Variants in TMEM117 observed in about 807,000 individuals in gnomAD.
TMEM117 encodes transmembrane protein 117.
TMEM117 carries 27 observed loss-of-function variants against 52.4 expected under a neutral mutation model. The ratio of observed to expected loss-of-function variants is 0.51; its 90% confidence interval spans 0.38 to 0.71. The LOEUF (loss-of-function observed/expected upper bound fraction) is 0.71. Among genes scored for constraint, TMEM117 ranks in the 30% least tolerant of loss-of-function variants. The probability of loss-of-function intolerance (pLI) is 0.00; values close to 1 mark genes in which losing one functional copy is unlikely to be tolerated. For missense variants in TMEM117, 556 were observed against 630.5 expected, an observed-to-expected ratio of 0.88 and a Z score of 1.26; for synonymous variants, 215 against 206.3, an observed-to-expected ratio of 1.04 and a Z score of -0.36.
intron 3 of TMEM117, among the ~76,000 whole-genome samples, chr12:43,961,378 C>T (rs967698593): frequency 6.7e-6 from 1 of 148,608 alleles, no homozygotes; most frequent in Non-Finnish European, 1.5e-5. Context: ...TAATTTCATA[C>T]AAAATGCCCA....
chr12:43,804,181 T>C, the TMEM117 span: 2 of 440,266 alleles, frequency 4.5e-6, no homozygotes, highest in Admixed American at 5.2e-5. Flanking sequence ...ATCACCTGTT[T>C]AGTGATTTCC....
intron 2 of TMEM117, among the ~76,000 whole-genome samples, chr12:43,848,133 T>C (rs1349377856): frequency 6.6e-6 from 1 of 152,128 alleles, no homozygotes; most frequent in Non-Finnish European, 1.5e-5. Flanking sequence ...GCAGAACCAC[T>C]GATAAGGGTC....
chr12:44,201,778 G>A (rs145547086), intron 4 of TMEM117, among the ~76,000 whole-genome samples: 1,749 of 152,190 alleles, frequency 0.011, 22 homozygotes, highest in South Asian at 0.052. Context: ...AGGCTATATC[G>A]TTGTCTTGCC....
intron 3 of TMEM117, among the ~76,000 whole-genome samples, chr12:44,143,238 A>T (rs752046815): frequency 1.3e-5 from 2 of 152,190 alleles, no homozygotes; most frequent in Non-Finnish European, 2.9e-5. Context: ...ACCTTTGCTG[A>T]GTATTTCTGT....
intron 3 of TMEM117, among the ~76,000 whole-genome samples, chr12:44,089,839 G>T (rs1366457773): frequency 6.6e-6 from 1 of 152,062 alleles, no homozygotes; most frequent in South Asian, 2.1e-4. Context: ...GAGTCTTCTT[G>T]TTGTAAATAA....
At chr12:43,975,964 G>T (rs1260984028) in intron 3 of TMEM117, among the ~76,000 whole-genome samples, 1 of 152,152 alleles carries the variant, frequency 6.6e-6, no homozygotes, top group Non-Finnish European at 1.5e-5. Context: ...AGATTCCTCA[G>T]CCTATCAGTC....
chr12:43,866,297 C>A (rs1943597805), intron 2 of TMEM117, among the ~76,000 whole-genome samples: 1 of 151,368 alleles, frequency 6.6e-6, no homozygotes, highest in Non-Finnish European at 1.5e-5. Context: ...CTATATCCAG[C>A]CAACATATAC....
intron 2 of TMEM117, among the ~76,000 whole-genome samples, chr12:43,938,887 C>T (rs1401756680): frequency 6.6e-6 from 1 of 151,956 alleles, no homozygotes; most frequent in African/African-American, 2.4e-5. Context: ...GTAATCCCAG[C>T]TACTCGGGAG....
At chr12:44,354,655 G>C (rs1951618924) in intron 6 of TMEM117, among the ~76,000 whole-genome samples, 1 of 151,740 alleles carries the variant, frequency 6.6e-6, no homozygotes, top group Non-Finnish European at 1.5e-5. Flanking sequence ...ATTAGGTATT[G>C]ATGGGACGTA....
intron 3 of TMEM117, among the ~76,000 whole-genome samples, chr12:44,011,318 C>T (rs1389033259): frequency 1.3e-5 from 2 of 151,970 alleles, no homozygotes; most frequent in Non-Finnish European, 1.5e-5. Flanking sequence ...TGGCTGTGTC[C>T]CACTCAAATC....
chr12:44,250,800 G>A (rs1376190966), intron 5 of TMEM117, among the ~76,000 whole-genome samples: 2 of 152,108 alleles, frequency 1.3e-5, no homozygotes, highest in Non-Finnish European at 2.9e-5. Flanking sequence ...AGAACACATG[G>A]ACACAGAGGG....
intron 6 of TMEM117, among the ~76,000 whole-genome samples, chr12:44,318,075 A>T (rs1951081684): frequency 6.6e-6 from 1 of 152,138 alleles, no homozygotes; most frequent in African/African-American, 2.4e-5. Context: ...AGTAGAGTGG[A>T]TGCACCTGGA....
chr12:44,184,109 G>A (rs985885291), intron 4 of TMEM117, among the ~76,000 whole-genome samples: 1 of 152,174 alleles, frequency 6.6e-6, no homozygotes, highest in Non-Finnish European at 1.5e-5. Context: ...ACTTTGGGAG[G>A]CTGAGGCGGG....
intron 2 of TMEM117, among the ~76,000 whole-genome samples, chr12:43,900,786 C>T (rs1005104680): frequency 4.3e-4 from 65 of 151,118 alleles, no homozygotes; most frequent in African/African-American, 1.5e-3. Flanking sequence ...ATTTAAAGAG[C>T]AATGCATGTT....
chr12:43,965,069 G>A (rs779666039), intron 3 of TMEM117, among the ~76,000 whole-genome samples: 12 of 152,104 alleles, frequency 7.9e-5, no homozygotes, highest in Admixed American at 3.3e-4. Context: ...TTTTGCACTC[G>A]TCCTGGTTGC....
At chr12:43,872,095 T>G (rs1565728730) in intron 2 of TMEM117, among the ~76,000 whole-genome samples, 1 of 152,162 alleles carries the variant, frequency 6.6e-6, no homozygotes, top group Admixed American at 6.5e-5. Flanking sequence ...AGAGATGGGG[T>G]CTTGCCTTGT....
At chr12:44,380,102 A>G (rs1414734303) in intron 7 of TMEM117, among the ~76,000 whole-genome samples, 1 of 152,186 alleles carries the variant, frequency 6.6e-6, no homozygotes, top group Non-Finnish European at 1.5e-5. Flanking sequence ...GACATTTTCT[A>G]TAGTTAGAAT....
At position 44,115,027 on chromosome 12, in the gene TMEM117, T is replaced by A. The variant is rs569205230; in HGVS notation, c.411-28498T>A. 4.6e-5 allele frequency among the ~76,000 whole-genome samples: 7 copies of A among 152,348 alleles called. No individual in the cohort carries two copies. The East Asian group carries it at 1.3e-3, about 29-fold the overall frequency. On this transcript the variant is annotated intron_variant, in intron 3 of 7. Coordinates refer to ENST00000266534, the MANE Select transcript of TMEM117 (RefSeq NM_032256.3). ...AGACCGTAAATCATATATAATTTTT[T>A]ATCTTTAAGAGCTGTATACATGAAC...
chr12:43,838,288 G>A (rs1943064317), intron 1 of TMEM117, among the ~76,000 whole-genome samples: 1 of 151,918 alleles, frequency 6.6e-6, no homozygotes. Flanking sequence ...GTGAGACCAG[G>A]TAGGTTGGAA....
Sources: allele counts gnomAD v4.1 joint callset (sites outside exome capture counted in the v4.1 genomes callset), GRCh38; gene constraint gnomAD v4.1.1; transcripts MANE v1.5; gene names NCBI Gene and HGNC (gene_info 2026-07-23, HGNC 2026-07-21).